RC3H1: variants seen among roughly 807,000 people sequenced by gnomAD.
The protein encoded by RC3H1 is roquin-1.
In RC3H1, 50 loss-of-function variants were observed where a neutral mutation model predicts 138.2. That is an observed-to-expected ratio of 0.36 (90% confidence interval 0.29 to 0.46). The LOEUF (loss-of-function observed/expected upper bound fraction) is 0.46, where lower values mean the gene tolerates loss of function less well. Among genes scored for constraint, RC3H1 ranks in the 20% least tolerant of loss-of-function variants. The probability of loss-of-function intolerance (pLI) is 1.00; values close to 1 mark genes in which losing one functional copy is unlikely to be tolerated. For synonymous variants in RC3H1, 462 were observed against 489.1 expected (o/e 0.94, Z 0.73); for missense variants, 1,031 against 1,388.1 (o/e 0.74, Z 4.09).
At chr1:173,967,060 G>A (rs1325104658) in intron 9 of RC3H1, among the ~76,000 whole-genome samples, 3 of 151,724 alleles carry the variant, frequency 2.0e-5, no homozygotes, top group East Asian at 1.9e-4. Context: ...AATGGCTCAC[G>A]CCTGTAATCC....
intron 1 of RC3H1, among the ~76,000 whole-genome samples, chr1:174,001,165 C>T (rs1055005953): frequency 6.6e-6 from 1 of 152,064 alleles, no homozygotes; most frequent in African/African-American, 2.4e-5. Context: ...ACTTTTTCAG[C>T]GTTCAGAGGC....
chr1:174,000,812 CACTT>C (rs1361791562), intron 1 of RC3H1, among the ~76,000 whole-genome samples: 2 of 152,130 alleles, frequency 1.3e-5, no homozygotes, highest in African/African-American at 4.8e-5. Context: ...CCTATTATAA[CACTT>C]AATTTTTTAA....
At chr1:174,012,113 G>A (rs1358613582) in intron 1 of RC3H1, among the ~76,000 whole-genome samples, 1 of 139,106 alleles carries the variant, frequency 7.2e-6, no homozygotes, top group Non-Finnish European at 1.5e-5. Context: ...AGGTGGGGAT[G>A]AGGTGGCAGG....
intron 1 of RC3H1, among the ~76,000 whole-genome samples, chr1:173,996,095 A>T (rs2901784): frequency 0.29 from 43,869 of 151,982 alleles, 11,347 homozygotes; most frequent in African/African-American, 0.7. Context: ...CTCTACTAAA[A>T]TTACAAAAAT....
At chr1:174,021,922 A>G (rs1661969884) in intron 1 of RC3H1, among the ~76,000 whole-genome samples, 174 bp downstream of exon 1, 1 of 152,202 alleles carries the variant, frequency 6.6e-6, no homozygotes, top group African/African-American at 2.4e-5. Context: ...GACAAGCCCC[A>G]GAACAGCCGG....
intron 13 of RC3H1, among the ~76,000 whole-genome samples, chr1:173,954,725 C>T (rs1057486034): frequency 6.6e-6 from 1 of 152,002 alleles, no homozygotes; most frequent in Non-Finnish European, 1.5e-5. Context: ...TTGGACGGGG[C>T]ATGGTGGGTG....
At chr1:173,946,329 T>C (rs1368093433) in intron 17 of RC3H1, 147 bp downstream of exon 17, 10 of 559,946 alleles carry the variant, frequency 1.8e-5, no homozygotes, top group Non-Finnish European at 2.6e-5. Context: ...CTAAATCCAG[T>C]ATTGAATTCT....
At position 173,993,000 on chromosome 1, in the gene RC3H1, C is replaced by A. The variant is rs780291147; in HGVS notation, c.-15G>T. Reference sequence around the variant, plus strand: ...TGTACAGGCATTGCTTCTGGAGTTACAATTCACGAACACAAACACACACAC... The same window carrying A: ...TGTACAGGCATTGCTTCTGGAGTTAAAATTCACGAACACAAACACACACAC... On this transcript the variant is annotated 5_prime_UTR_variant, in exon 2 of 20. Coordinates refer to ENST00000367696, the MANE Select transcript of RC3H1 (RefSeq NM_172071.4). The A allele has an allele frequency of 7.7e-6, 12 of 1,560,768 alleles. No individual in the cohort carries two copies. In the South Asian group the frequency reaches 1.0e-4, roughly 13 times the overall value.
Position 173,943,576 on chromosome 1 carries a change from T to C in RC3H1, c.3001A>G (p.Thr1001Ala). The C allele has an allele frequency of 6.2e-7, 1 of 1,613,960 alleles. No individual in the cohort carries two copies. The highest frequency in any genetic ancestry group is 1.1e-5 in the South Asian group (1 of 91,042). Residue 1001 changes from threonine to alanine, a missense_variant, in exon 18 of 20, where the codon ACC (threonine) becomes GCC (alanine). Physicochemically the swap from Thr to Ala is moderately conservative, Grantham distance 58 (BLOSUM62 0). Transcript: ENST00000367696. ...GGGGGCTGTGACTGGCCTGCCAGGG[T>C]GTTTGCCTCCCTCTGCAACACCAGC... ...NRLVLQREAN[T>A]LAGQSQPPPP...
chr1:173,997,712 T>C (rs1405495886), intron 1 of RC3H1, among the ~76,000 whole-genome samples: 1 of 152,122 alleles, frequency 6.6e-6, no homozygotes, highest in Non-Finnish European at 1.5e-5. Flanking sequence ...ATTTTGACCA[T>C]AAATACAGGT....
intron 1 of RC3H1, among the ~76,000 whole-genome samples, chr1:174,003,387 A>ACT (rs1391300483): frequency 8.7e-6 from 1 of 114,770 alleles, no homozygotes; most frequent in African/African-American, 6.2e-5. Flanking sequence ...GACTCCTATC[A>ACT]CACACACACA....
chr1:173,967,824 A>C (rs1209493722), intron 9 of RC3H1, among the ~76,000 whole-genome samples: 1 of 152,154 alleles, frequency 6.6e-6, no homozygotes, highest in Non-Finnish European at 1.5e-5. Context: ...TCCTTTATGG[A>C]TGCTGGGTTG....
At position 173,968,844 on chromosome 1, in the gene RC3H1, T is replaced by C. The variant is rs1468348848; in HGVS notation, c.1334+1661A>G. ...AGAAAGTATGGCATTTCTGTTGTAT[T>C]AAGGAATTTTGATTTTTTTTTTTTT... On this transcript the variant is annotated intron_variant, in intron 9 of 19. Coordinates refer to ENST00000367696, the MANE Select transcript of RC3H1 (RefSeq NM_172071.4). 2.0e-5 allele frequency among the ~76,000 whole-genome samples: 3 copies of C among 150,586 alleles called. No homozygotes were observed. The East Asian group carries it at 5.8e-4, about 29-fold the overall frequency.
Position 173,983,576 on chromosome 1 carries a change from A to G in RC3H1, c.434T>C (p.Leu145Pro), listed in dbSNP as rs1481004196. The G allele has an allele frequency of 3.1e-6, 5 of 1,614,192 alleles. No individual in the cohort carries two copies. Among genetic ancestry groups the G allele is most frequent in the Non-Finnish European group, 4.2e-6 (5 of 1,180,020 alleles). ...ACGAATCCTGCCTTCTTCTTCTACT[A>G]GTTGACAGTGGACTAGAGTCACAAG... ...RKLVTLVHCQ[L>P]VEEEGRIRAM... is the part of the protein sequence containing the mutation. The change falls in exon 4 of 20, where the codon CTA becomes CCA. Residue 145 changes from leucine to proline, a missense_variant. By Grantham distance (98) the Leu-to-Pro change is moderately conservative. Around this residue, in one of 7 missense-constraint regions of RC3H1, gnomAD observed 53 missense variants for 137.4 expected, o/e 0.39. Coordinates refer to ENST00000367696, the MANE Select transcript of RC3H1 (RefSeq NM_172071.4).
intron 14 of RC3H1, 86 bp from the exon 15 acceptor site, chr1:173,947,668 A>G: frequency 2.1e-6 from 2 of 947,784 alleles, no homozygotes; most frequent in South Asian, 1.4e-5. Flanking sequence ...AAGGTTAAAG[A>G]AGAGTACAGC....
At chr1:173,958,981 T>C (rs1159708499) in intron 13 of RC3H1, among the ~76,000 whole-genome samples, 1 of 152,130 alleles carries the variant, frequency 6.6e-6, no homozygotes, top group Non-Finnish European at 1.5e-5. Flanking sequence ...ATAAATATGA[T>C]AAAGATTTTC....
chr1:174,022,284 T>A lies in RC3H1; in HGVS notation c.-339A>T. The stretch of plus-strand genomic sequence containing the variant: ...CACCTGCTGCTGCTGAGGCTGCTCC[T>A]GCAGCAGGGGCCATCTTGTTGCTCG... On this transcript the variant is annotated 5_prime_UTR_variant, in exon 1 of 20. Coordinates refer to ENST00000367696, the MANE Select transcript of RC3H1 (RefSeq NM_172071.4). This position sits in a 1 kb window ranked among gnomAD's most constrained non-coding sequence, Gnocchi z 4.2. 1 of 386,828 alleles carries A rather than the reference T, an allele frequency of 2.6e-6. No individual in the cohort carries two copies. The highest frequency in any genetic ancestry group is 4.6e-6 in the Non-Finnish European group (1 of 218,842). The allele number at this position is 386,828 out of a possible 1,614,324, so 24.0% of individuals were successfully genotyped here.
chr1:173,971,863 A>C (rs1203993537), intron 8 of RC3H1, among the ~76,000 whole-genome samples: 3 of 152,200 alleles, frequency 2.0e-5, no homozygotes, highest in Non-Finnish European at 2.9e-5. Context: ...AGGTAAATTA[A>C]GAGTTTTACG....
At position 173,979,959 on chromosome 1, in the gene RC3H1, C is replaced by G. The variant is rs996648336; in HGVS notation, c.969+850G>C. Among the ~76,000 whole-genome samples the G allele has an allele frequency of 6.1e-4, 92 of 151,986 alleles. 1 individual carries two copies. The highest frequency in any genetic ancestry group is 1.2e-4 in the Non-Finnish European group (8 of 67,986). On this transcript the variant is annotated intron_variant, in intron 6 of 19. Transcript: ENST00000367696. ...GAGGTGCTAACATAGCTCACTGCAC[C>G]CTCAAACTCCTGAGCTCAAGGGATT...
Sources: gnomAD v4.1 joint callset for allele counts (sites outside exome capture counted in the v4.1 genomes callset) on GRCh38, gnomAD v4.1.1 for gene constraint, gnomAD v4.1.1 regional missense constraint, Gnocchi (gnomAD v3.1) non-coding constraint, MANE v1.5 for transcripts, NCBI Gene and HGNC (gene_info 2026-07-23, HGNC 2026-07-21) for gene names.